Variants in SYNJ2 observed in about 807,000 individuals in gnomAD.
SYNJ2 encodes polyphosphatidylinositol phosphatase SYNJ2.
In SYNJ2, 116 loss-of-function variants were observed where a neutral mutation model predicts 141.3. The observed-to-expected ratio is 0.82, with a 90% CI of 0.71 to 0.96. SYNJ2 has a LOEUF of 0.96. Among genes scored for constraint, SYNJ2 ranks in the 40% least tolerant of loss-of-function variants. The pLI is 0.00. For missense variants in SYNJ2, 1,873 were observed against 1,934.8 expected, an observed-to-expected ratio of 0.97 and a Z score of 0.60; for synonymous variants, 745 against 777.7, an observed-to-expected ratio of 0.96 and a Z score of 0.70.
In SYNJ2 at chr6:158,093,008, C is replaced by G. The variant is rs145364234; in HGVS notation, c.3648C>G (p.Ala1216=). The G allele has an allele frequency of 1.1e-5, 18 of 1,613,144 alleles. No individual in the cohort carries two copies. The highest frequency in any genetic ancestry group is 1.4e-5 in the Non-Finnish European group (17 of 1,179,788). Residue 1216 remains alanine (A), a synonymous_variant, in exon 26 of 27, where the codon GCC becomes GCG. Transcript: ENST00000355585. ...AACCAGAGCCCACACCGGGGGCAGC[C>G]AAACCAGAGACCCCACAGGCGCCCC... The part of the protein sequence containing the change: ...SSEPEPTPGA[A]KPETPQAPPL...
chr6:158,059,222 T>C (rs1418328312), intron 6 of SYNJ2, 35 bp from the exon 7 acceptor site: 1 of 1,520,438 alleles, frequency 6.6e-7, no homozygotes, highest in South Asian at 1.3e-5. Context: ...CCTGTGCCCG[T>C]GCCCAGCATC....
chr6:158,052,818 C>T (rs950381267), intron 5 of SYNJ2, among the ~76,000 whole-genome samples: 1 of 152,204 alleles, frequency 6.6e-6, no homozygotes, highest in Non-Finnish European at 1.5e-5. Flanking sequence ...AATATACTCT[C>T]CTACATATAG....
At position 158,067,495 on chromosome 6, in the gene SYNJ2, G is replaced by A. The variant is rs553005766; in HGVS notation, c.1717+860G>A. ...TAAGATACACTATTGAATGGCCCCAGAACTTAGGATCTGAAGAATAAATGA... is the reference window on the plus strand; with the variant it reads ...TAAGATACACTATTGAATGGCCCCAAAACTTAGGATCTGAAGAATAAATGA... On this transcript the variant is annotated intron_variant, in intron 12 of 26. Coordinates refer to ENST00000355585, the MANE Select transcript of SYNJ2 (RefSeq NM_003898.4). 10 of 985,472 alleles carry A rather than the reference G, an allele frequency of 1.0e-5. No individual in the cohort carries two copies. The South Asian group carries it at 2.8e-4, about 28-fold the overall frequency. The allele number at this position is 985,472 out of a possible 1,614,324, so 61.0% of individuals were successfully genotyped here.
chr6:158,026,942 C>A, intron 2 of SYNJ2: 3 of 985,414 alleles, frequency 3.0e-6, no homozygotes, highest in Non-Finnish European at 3.6e-6. Flanking sequence ...CTGTCCCTGT[C>A]CCCAGTGTGA....
chr6:158,063,678 A>AC (rs1781370111), intron 8 of SYNJ2, 113 bp from the exon 9 acceptor site: 1 of 622,110 alleles, frequency 1.6e-6, no homozygotes, highest in South Asian at 2.1e-5. Flanking sequence ...AAAAAAAAAA[A>AC]AAAAAAAAAC....
chr6:157,984,854 C>T (rs777783473), intron 1 of SYNJ2, among the ~76,000 whole-genome samples: 31 of 152,312 alleles, frequency 2.0e-4, no homozygotes, highest in Non-Finnish European at 3.7e-4. Flanking sequence ...TTCTCTTCAG[C>T]TGTGGTTTTC....
intron 4 of SYNJ2, among the ~76,000 whole-genome samples, chr6:158,039,695 G>A (rs1049889474): frequency 6.6e-6 from 1 of 152,078 alleles, no homozygotes; most frequent in Non-Finnish European, 1.5e-5. Flanking sequence ...GTAGCACAGC[G>A]TGGCCTCCCC....
chr6:158,092,979 T>A lies in SYNJ2; in HGVS notation c.3619T>A (p.Ser1207Thr), dbSNP rs1433574485. 1 of 1,612,400 alleles carries A rather than the reference T, an allele frequency of 6.2e-7. No homozygotes were observed. Among genetic ancestry groups the A allele is most frequent in the Admixed American group, 1.7e-5 (1 of 59,306 alleles). Reference sequence around the variant, plus strand: ...GGCCCCAAGGGACCTTGAAGCATCCTCTGAACCAGAGCCCACACCGGGGGC... The same window carrying A: ...GGCCCCAAGGGACCTTGAAGCATCCACTGAACCAGAGCCCACACCGGGGGC... ...AVAPRDLEAS[S>T]EPEPTPGAAK... Residue 1207 changes from serine (S) to threonine (T), a missense_variant, in exon 26 of 27, where the codon TCT (serine) becomes ACT (threonine). Ser to Thr is a moderately conservative substitution (Grantham distance 58, BLOSUM62 1). Coordinates refer to ENST00000355585, the MANE Select transcript of SYNJ2 (RefSeq NM_003898.4).
chr6:158,068,502 A>C (rs1176314242), intron 12 of SYNJ2, 145 bp from the exon 13 acceptor site: 17 of 801,504 alleles, frequency 2.1e-5, no homozygotes, highest in Non-Finnish European at 3.4e-5. Flanking sequence ...CCACTGGGGC[A>C]GTTCCCAGCA....
chr6:158,022,870 T>C (rs1778846685), intron 2 of SYNJ2, among the ~76,000 whole-genome samples: 5 of 152,126 alleles, frequency 3.3e-5, no homozygotes, highest in Admixed American at 3.3e-4. Flanking sequence ...TGGGGACCAG[T>C]GGCTTGTACC....
chr6:158,015,116 C>G (rs901430126), intron 1 of SYNJ2, among the ~76,000 whole-genome samples: 3 of 152,200 alleles, frequency 2.0e-5, no homozygotes, highest in Admixed American at 2.0e-4. Context: ...ACACTTGCCT[C>G]TCTGAGTCAA....
intron 2 of SYNJ2, among the ~76,000 whole-genome samples, chr6:158,026,658 C>G (rs78005643): frequency 5.3e-5 from 8 of 152,336 alleles, no homozygotes; most frequent in Admixed American, 4.6e-4. Context: ...GCCAGGCACT[C>G]AGGCCCCCCA....
At chr6:158,067,990 G>A (rs1781668001) in intron 12 of SYNJ2, 1 of 985,274 alleles carries the variant, frequency 1.0e-6, no homozygotes, top group Non-Finnish European at 1.2e-6. Flanking sequence ...TAGCAAGCTG[G>A]CTGGTATTTT....
chr6:158,064,967 C>CAA lies in SYNJ2; in HGVS notation c.1501_1502insAA (p.Leu501GlnfsTer10), dbSNP rs1398250996. On this transcript the variant is annotated frameshift_variant, in exon 11 of 27. Transcript: ENST00000355585. LOFTEE classifies it high-confidence loss of function. ...GGAGGTGGCAGACAAAGGGGGCATG[C>CAA]TGCTGGACAGCACGGCGCTCCTGGG... 4.4e-6 allele frequency: 7 copies of CAA among 1,602,794 alleles called. No individual in the cohort carries two copies. Among genetic ancestry groups the CAA allele is most frequent in the Non-Finnish European group, 6.0e-6 (7 of 1,174,142 alleles).
intron 26 of SYNJ2, chr6:158,093,989 C>G (rs1378524535): frequency 3.9e-6 from 3 of 765,144 alleles, no homozygotes; most frequent in Non-Finnish European, 7.2e-6. Context: ...CATCTGTAGA[C>G]ACATCTGGAT....
intron 1 of SYNJ2, among the ~76,000 whole-genome samples, chr6:158,003,138 A>G (rs1413482406): frequency 6.6e-6 from 1 of 152,178 alleles, no homozygotes; most frequent in African/African-American, 2.4e-5. Context: ...TGATGTGGGC[A>G]TGGCGTTGGT....
In SYNJ2 at chr6:158,028,986, C is replaced by G; in HGVS notation, c.445C>G (p.Gln149Glu). The change falls in exon 3 of 27, where the codon CAG (glutamine) becomes GAG (glutamate). Residue 149 changes from glutamine (Q) to glutamate (E), a missense_variant. Coordinates refer to ENST00000355585, the MANE Select transcript of SYNJ2 (RefSeq NM_003898.4). ...TGACCTGACTGTCCGCACGCAGAAG[C>G]AGGGGGATGACAGCTCTGAATGGGG... ...RFDLTVRTQK[Q>E]GDDSSEWGNS... 1 of 1,611,148 alleles carries G rather than the reference C, an allele frequency of 6.2e-7. No individual in the cohort carries two copies. Among genetic ancestry groups the G allele is most frequent in the Non-Finnish European group, 8.5e-7 (1 of 1,179,350 alleles).
intron 2 of SYNJ2, among the ~76,000 whole-genome samples, chr6:158,020,940 C>T (rs1264739734): frequency 6.6e-6 from 1 of 152,176 alleles, no homozygotes; most frequent in East Asian, 1.9e-4. Flanking sequence ...TTTCCAGGTT[C>T]CAAGGTTTTT....
intron 7 of SYNJ2, among the ~76,000 whole-genome samples, chr6:158,060,547 C>T (rs1287190033): frequency 6.6e-6 from 1 of 152,182 alleles, no homozygotes; most frequent in Non-Finnish European, 1.5e-5. Context: ...CTTAGAAATG[C>T]CACATGCTCA....
Sources: allele counts gnomAD v4.1 joint callset (sites outside exome capture counted in the v4.1 genomes callset), GRCh38; gene constraint gnomAD v4.1.1; transcripts MANE v1.5; gene names NCBI Gene and HGNC (gene_info 2026-07-23, HGNC 2026-07-21).